Variants in SNX9 observed in about 807,000 individuals in gnomAD.
SNX9 encodes sorting nexin 9, also known as sorting nexin-9.
Under a neutral mutation model 89.4 loss-of-function variants are expected in SNX9, and 44 were observed. The observed-to-expected ratio is 0.49, with a 90% confidence interval of 0.39 to 0.63. The LOEUF is 0.63. SNX9 is among the 30% of genes least tolerant of loss of function. The pLI is 0.00. For missense variants in SNX9, 578 were observed against 736.1 expected, an observed-to-expected ratio of 0.79 and a Z score of 2.49; for synonymous variants, 236 against 247.8, an observed-to-expected ratio of 0.95 and a Z score of 0.45.
intron 2 of SNX9, among the ~76,000 whole-genome samples, chr6:157,869,763 C>T (rs375012905): frequency 6.6e-6 from 1 of 152,120 alleles, no homozygotes; most frequent in Non-Finnish European, 1.5e-5. Context: ...CATCAGACCT[C>T]GCCAGCCTTT....
intron 4 of SNX9, among the ~76,000 whole-genome samples, chr6:157,884,666 G>A (rs999545017): frequency 6.6e-6 from 1 of 151,976 alleles, no homozygotes; most frequent in African/African-American, 2.4e-5. Flanking sequence ...CAGTGTTAGA[G>A]GATTTATGGA....
chr6:157,901,663 T>G (rs1333962484), intron 5 of SNX9, among the ~76,000 whole-genome samples: 1 of 152,112 alleles, frequency 6.6e-6, no homozygotes. Flanking sequence ...TAGCCCTCTT[T>G]AAGTTGCTTC....
At chr6:157,885,888 A>G (rs1172669779) in intron 4 of SNX9, among the ~76,000 whole-genome samples, 2 of 152,176 alleles carry the variant, frequency 1.3e-5, no homozygotes, top group African/African-American at 2.4e-5. Flanking sequence ...AGCTGCGACC[A>G]CTCACAGTAT....
At chr6:157,847,953 C>T (rs1781835348) in intron 1 of SNX9, among the ~76,000 whole-genome samples, 1 of 152,138 alleles carries the variant, frequency 6.6e-6, no homozygotes, top group African/African-American at 2.4e-5. Flanking sequence ...ATCTGGGCCT[C>T]CTGCCACCTC....
At chr6:157,853,066 T>C (rs1781944554) in intron 1 of SNX9, among the ~76,000 whole-genome samples, 1 of 151,980 alleles carries the variant, frequency 6.6e-6, no homozygotes, top group African/African-American at 2.4e-5. Context: ...TTCTTTTGTG[T>C]GGATTCAGTT....
intron 9 of SNX9, among the ~76,000 whole-genome samples, chr6:157,919,725 T>C (rs530104067): frequency 6.6e-6 from 1 of 152,342 alleles, no homozygotes; most frequent in East Asian, 1.9e-4. Context: ...CACTCAGAGA[T>C]AGTGTCTATT....
intron 1 of SNX9, among the ~76,000 whole-genome samples, chr6:157,857,063 C>A (rs1782027606): frequency 6.6e-6 from 1 of 152,078 alleles, no homozygotes; most frequent in Non-Finnish European, 1.5e-5. Flanking sequence ...CCTTTATTTA[C>A]CAGTTGTCAA....
intron 1 of SNX9, among the ~76,000 whole-genome samples, chr6:157,828,496 T>G (rs1026393876): frequency 3.9e-5 from 6 of 152,068 alleles, no homozygotes; most frequent in Non-Finnish European, 7.4e-5. Context: ...TTATGATTAT[T>G]ATTATTTTTT....
At chr6:157,911,450 C>G (rs1477285258) in intron 9 of SNX9, among the ~76,000 whole-genome samples, 1 of 152,230 alleles carries the variant, frequency 6.6e-6, no homozygotes, top group Non-Finnish European at 1.5e-5. Flanking sequence ...GCCTGCGACC[C>G]TTCACAGCCA....
chr6:157,892,131 G>T (rs576190631), intron 4 of SNX9, among the ~76,000 whole-genome samples: 36 of 152,274 alleles, frequency 2.4e-4, no homozygotes, highest in Admixed American at 6.5e-4. Flanking sequence ...AAGGTGGAAG[G>T]AAAGGACAGA....
intron 4 of SNX9, among the ~76,000 whole-genome samples, chr6:157,878,198 C>T (rs1782555401): frequency 6.6e-6 from 1 of 152,156 alleles, no homozygotes; most frequent in African/African-American, 2.4e-5. Flanking sequence ...GGTCCCTGGC[C>T]CACTGTGATT....
chr6:157,895,671 T>C (rs1782963221), intron 4 of SNX9, among the ~76,000 whole-genome samples: 1 of 152,054 alleles, frequency 6.6e-6, no homozygotes. Flanking sequence ...TAGGCCAACT[T>C]AGTGTTTAAA....
At chr6:157,907,939 T>C (rs1325772009) in intron 7 of SNX9, among the ~76,000 whole-genome samples, 2 of 152,250 alleles carry the variant, frequency 1.3e-5, no homozygotes, top group African/African-American at 2.4e-5. Flanking sequence ...AGCTAGTTTC[T>C]TGGATCTGGG....
intron 3 of SNX9, chr6:157,874,700 A>G (rs780797354): frequency 5.4e-6 from 1 of 186,794 alleles, no homozygotes; most frequent in Non-Finnish European, 1.1e-5. Flanking sequence ...ATACCTCAAC[A>G]TGTTTGAAAG....
At chr6:157,899,496 T>C (rs192279205) in intron 5 of SNX9, among the ~76,000 whole-genome samples, 6 of 152,190 alleles carry the variant, frequency 3.9e-5, no homozygotes, top group African/African-American at 1.4e-4. Context: ...TTAAAAAAAT[T>C]ATCTATATTT....
intron 11 of SNX9, among the ~76,000 whole-genome samples, chr6:157,927,455 A>G (rs16900512): frequency 0.026 from 3,883 of 152,274 alleles, 114 homozygotes; most frequent in African/African-American, 0.07. Context: ...CATAGTTGAC[A>G]CGGTGCTGAG....
At chr6:157,916,103 C>T (rs1185930276) in intron 9 of SNX9, among the ~76,000 whole-genome samples, 18 of 151,592 alleles carry the variant, frequency 1.2e-4, no homozygotes, top group African/African-American at 3.9e-4. Context: ...GGCGCTATCT[C>T]GGCTTACTGC....
chr6:157,863,176 G>A (rs1782181768), intron 1 of SNX9, among the ~76,000 whole-genome samples: 1 of 152,196 alleles, frequency 6.6e-6, no homozygotes, highest in Non-Finnish European at 1.5e-5. Flanking sequence ...TTTCCAAAAG[G>A]AAGGGATGTG....
intron 1 of SNX9, among the ~76,000 whole-genome samples, chr6:157,855,735 G>T (rs1340487992): frequency 1.3e-5 from 2 of 151,978 alleles, no homozygotes; most frequent in Non-Finnish European, 2.9e-5. Flanking sequence ...ATTGATTTTT[G>T]TTGTTGTTGT....
Sources: allele counts gnomAD v4.1 joint callset (sites outside exome capture counted in the v4.1 genomes callset), GRCh38; gene constraint gnomAD v4.1.1; transcripts MANE v1.5; gene names NCBI Gene and HGNC (gene_info 2026-07-23, HGNC 2026-07-21).